Variants in PLXNA1 observed in about 807,000 individuals in gnomAD.
PLXNA1 encodes the protein plexin-A1.
A neutral mutation model predicts 191.7 loss-of-function variants in PLXNA1; 77 were observed. The ratio of observed to expected loss-of-function variants is 0.40; its 90% CI spans 0.33 to 0.49. The LOEUF (loss-of-function observed/expected upper bound fraction) is 0.49. Ranked by LOEUF, PLXNA1 falls within the 20% of genes least tolerant of loss-of-function variation. The probability of loss-of-function intolerance (pLI) is 0.63; values close to 1 mark genes in which losing one functional copy is unlikely to be tolerated. For missense variants in PLXNA1, 2,110 were observed against 2,660.2 expected, an observed-to-expected ratio of 0.79 and a Z score of 4.55; for synonymous variants, 1,137 against 1,156.4, an observed-to-expected ratio of 0.98 and a Z score of 0.34.
chr3:126,983,402 C>T (rs1044415900), intron 1 of PLXNA1, among the ~76,000 whole-genome samples, 115 bp downstream of exon 1: 1 of 145,662 alleles, frequency 6.9e-6, no homozygotes, highest in Non-Finnish European at 1.5e-5. Flanking sequence ...CCGGCGGCGG[C>T]CCTCTCGTGA....
At chr3:127,033,550 G>T (rs2107639941) in intron 31 of PLXNA1, among the ~76,000 whole-genome samples, 1 of 152,270 alleles carries the variant, frequency 6.6e-6, no homozygotes, top group Admixed American at 6.5e-5. Context: ...TTAGGGTGGG[G>T]AGTGGGGACA....
At chr3:127,031,032 G>A (rs969919737) in intron 29 of PLXNA1, among the ~76,000 whole-genome samples, 4 of 152,200 alleles carry the variant, frequency 2.6e-5, no homozygotes, top group Non-Finnish European at 5.9e-5. Context: ...TCCCTCCAGA[G>A]TATCTGCCTC....
rs763880875 is a variant in PLXNA1, at chr3:127,014,046, C to T, written c.2340C>T (p.Ser780=). Residue 780 remains serine (S), a synonymous_variant, in exon 11 of 32, where the codon AGC becomes AGT. Coordinates refer to ENST00000393409, the MANE Select transcript of PLXNA1 (RefSeq NM_032242.4). ...SSYSYEGNDV[S]DLPVNLSVVW... ...ACTCCTACGAGGGGAACGATGTCAG[C>T]GACCTGCCAGTGAACCTGTCAGTCG... The T allele has an allele frequency of 1.4e-5, 22 of 1,613,742 alleles. No individual in the cohort carries two copies. The highest frequency in any genetic ancestry group is 3.3e-4 in the Middle Eastern group (2 of 6,084).
intron 23 of PLXNA1, among the ~76,000 whole-genome samples, chr3:127,024,877 G>T (rs1295140390): frequency 4.6e-5 from 7 of 152,116 alleles, no homozygotes. Flanking sequence ...CACCATATCT[G>T]GGGTTTTTTT....
intron 10 of PLXNA1, among the ~76,000 whole-genome samples, chr3:127,012,529 G>C (rs1256000090): frequency 6.6e-6 from 1 of 152,232 alleles, no homozygotes; most frequent in Non-Finnish European, 1.5e-5. Flanking sequence ...TGCAGGAATA[G>C]CCAGGTGGCT....
rs2079126106 is a variant in PLXNA1, at chr3:127,016,822, G to A, written c.3183-122G>A. 2.9e-6 allele frequency: 4 copies of A among 1,383,294 alleles called. No individual in the cohort carries two copies. The Admixed American group carries it at 7.4e-5, about 26-fold the overall frequency. The allele number at this position is 1,383,294 out of a possible 1,614,324, so 85.7% of individuals were successfully genotyped here. On this transcript the variant is annotated intron_variant, in intron 16 of 31. Coordinates refer to ENST00000393409, the MANE Select transcript of PLXNA1 (RefSeq NM_032242.4). ...TGCCGGGAAGCACCCCTTGCCAAGA[G>A]CTTTTACCTGTTTCCTGTCTTTGGG...
intron 17 of PLXNA1, 60 bp from the exon 18 acceptor site, chr3:127,017,365 C>T (rs1436074662): frequency 1.3e-6 from 2 of 1,570,406 alleles, no homozygotes; most frequent in African/African-American, 1.3e-5. Context: ...GGCTCTGTCA[C>T]TGGGAGCTGC....
intron 3 of PLXNA1, among the ~76,000 whole-genome samples, chr3:126,991,923 C>T (rs1365750748): frequency 3.9e-5 from 6 of 152,182 alleles, no homozygotes; most frequent in Admixed American, 3.3e-4. Context: ...GCGGCCCCCT[C>T]CCCTCTGGGC....
chr3:126,986,842 G>C (rs1226980921), intron 1 of PLXNA1, among the ~76,000 whole-genome samples: 1 of 152,208 alleles, frequency 6.6e-6, no homozygotes, highest in Non-Finnish European at 1.5e-5. Flanking sequence ...AGGCTGATGG[G>C]ACTGTGCCCA....
chr3:127,001,758 G>T (rs1389148329), intron 3 of PLXNA1, among the ~76,000 whole-genome samples: 1 of 152,290 alleles, frequency 6.6e-6, no homozygotes, highest in South Asian at 2.1e-4. Context: ...GCCACCCTGG[G>T]TCCCCCTGCT....
At chr3:127,013,464 G>A (rs1021598562) in intron 10 of PLXNA1, among the ~76,000 whole-genome samples, 1 of 152,220 alleles carries the variant, frequency 6.6e-6, no homozygotes, top group Non-Finnish European at 1.5e-5. Flanking sequence ...AGAAAGTGGG[G>A]CACAGCTGGA....
rs1200023384 is a variant in PLXNA1 at position 126,989,142 on chromosome 3, C to T, written c.549C>T (p.Ala183=). Residue 183 remains alanine (A), a synonymous_variant, in exon 2 of 32, where the codon GCC becomes GCT. Coordinates refer to ENST00000393409, the MANE Select transcript of PLXNA1 (RefSeq NM_032242.4). ...LIAGPPGQGQ[A]KLFVGTPIDG... is the part of the protein sequence containing the mutation. ...CCGGGCCACCGGGCCAGGGCCAGGC[C>T]AAGCTCTTCGTGGGCACACCCATCG... is the stretch of plus-strand genomic sequence containing the variant. 1.2e-6 allele frequency: 2 copies of T among 1,613,358 alleles called. No individual in the cohort carries two copies. Among genetic ancestry groups the T allele is most frequent in the Admixed American group, 3.3e-5 (2 of 60,028 alleles).
intron 15 of PLXNA1, among the ~76,000 whole-genome samples, chr3:127,015,914 C>T (rs1311934957): frequency 2.0e-5 from 3 of 152,134 alleles, no homozygotes; most frequent in Admixed American, 2.0e-4. Flanking sequence ...CTCACAGCCC[C>T]CTGGGATGCG....
In PLXNA1 at chr3:126,991,371, C is replaced by A; in HGVS notation, c.1195-13C>A. ...TGCCCGGGGAGTGGCTCTCACCCTG[C>A]CCCTTCCCACAGCCCCTGCAGATCG... On this transcript the variant is annotated splice_polypyrimidine_tract_variant and intron_variant, in intron 2 of 31. Coordinates refer to ENST00000393409, the MANE Select transcript of PLXNA1 (RefSeq NM_032242.4). 1.2e-6 allele frequency: 2 copies of A among 1,611,906 alleles called. No individual in the cohort carries two copies. The highest frequency in any genetic ancestry group is 2.2e-5 in the East Asian group (1 of 44,854).
At chr3:127,004,287 T>C (rs1409015742) in intron 4 of PLXNA1, among the ~76,000 whole-genome samples, 2 of 152,198 alleles carry the variant, frequency 1.3e-5, no homozygotes, top group Admixed American at 1.3e-4. Context: ...GCCAAGCCCA[T>C]TGATCGCTGG....
chr3:127,034,053 A>G lies in PLXNA1; in HGVS notation c.*36A>G. 1.9e-6 allele frequency: 3 copies of G among 1,540,334 alleles called. No individual in the cohort carries two copies. The highest frequency in any genetic ancestry group is 2.6e-6 in the Non-Finnish European group (3 of 1,133,840). On this transcript the variant is annotated 3_prime_UTR_variant, in exon 32 of 32. Transcript: ENST00000393409. Reference sequence around the variant, plus strand: ...TGATCATCCAGCATGATGCAGCGTGAGGACAGCTGAGCAGGGACCGGGACA... The same window carrying G: ...TGATCATCCAGCATGATGCAGCGTGGGGACAGCTGAGCAGGGACCGGGACA...
In PLXNA1 at chr3:127,029,520, G is replaced by A. The variant is rs1411595634; in HGVS notation, c.4854G>A (p.Lys1618=). Residue 1618 remains lysine, a synonymous_variant, in exon 27 of 32, where the codon AAG becomes AAA. Coordinates refer to ENST00000393409, the MANE Select transcript of PLXNA1 (RefSeq NM_032242.4). ...TCTCCAACTCCTCCACCTTCACCAA[G>A]TCCCTCAGCAGATACGGTGAGGGGC... ...YNISNSSTFT[K]SLSRYESMLR... The A allele has an allele frequency of 1.9e-6, 3 of 1,613,760 alleles. No homozygotes were observed. The highest frequency in any genetic ancestry group is 2.5e-6 in the Non-Finnish European group (3 of 1,179,930).
At position 127,018,478 on chromosome 3, in the gene PLXNA1, A is replaced by G. The variant is rs2079136687; in HGVS notation, c.3845A>G (p.Gln1282Arg). ...GCTGACCGCACACTCAAGCGGCTGC[A>G]GCTCCAGATGGACAACCTGGAGTCC... Reference protein sequence around the residue: ...RDADRTLKRLQLQMDNLESRV... With the variant: ...RDADRTLKRLRLQMDNLESRV... The change falls in exon 20 of 32, where the codon CAG (glutamine) becomes CGG (arginine). Residue 1282 changes from glutamine to arginine, a missense_variant. Physicochemically the swap from Gln to Arg is conservative, Grantham distance 43. Coordinates refer to ENST00000393409, the MANE Select transcript of PLXNA1 (RefSeq NM_032242.4). 1 of 1,612,502 alleles carries G rather than the reference A, an allele frequency of 6.2e-7. No homozygotes were observed. Among genetic ancestry groups the G allele is most frequent in the Non-Finnish European group, 8.5e-7 (1 of 1,179,542 alleles).
At chr3:127,010,472 G>A (rs2079089962) in intron 9 of PLXNA1, among the ~76,000 whole-genome samples, 1 of 152,146 alleles carries the variant, frequency 6.6e-6, no homozygotes, top group African/African-American at 2.4e-5. Context: ...TTGGGGAGGA[G>A]ATGGGGTGGG....
Sources: gnomAD v4.1 joint callset for allele counts (sites outside exome capture counted in the v4.1 genomes callset) on GRCh38, gnomAD v4.1.1 for gene constraint, MANE v1.5 for transcripts, NCBI Gene and HGNC (gene_info 2026-07-23, HGNC 2026-07-21) for gene names.